Variants in DNAJC25 observed in about 807,000 individuals in gnomAD.
The protein encoded by DNAJC25 is DnaJ heat shock protein family (Hsp40) member C25.
In DNAJC25, 26 loss-of-function variants were observed where a neutral mutation model predicts 42.1. The ratio of observed to expected loss-of-function variants is 0.62; its 90% CI spans 0.45 to 0.86. The LOEUF (loss-of-function observed/expected upper bound fraction) is 0.86. Among genes scored for constraint, DNAJC25 ranks in the 40% least tolerant of loss-of-function variants. The pLI is 0.00. For missense variants in DNAJC25, 404 were observed against 459.4 expected (o/e 0.88, Z 1.10); for synonymous variants, 189 against 179.9 (o/e 1.05, Z -0.40).
intron 1 of DNAJC25, among the ~76,000 whole-genome samples, chr9:111,637,470 C>T (rs1564083020): frequency 6.6e-6 from 1 of 152,178 alleles, no homozygotes; most frequent in East Asian, 1.9e-4. Context: ...CTTCTTCTGT[C>T]ATTCTTCTTC....
At chr9:111,645,894 A>G (rs1026064274) in intron 1 of DNAJC25, among the ~76,000 whole-genome samples, 4 of 152,174 alleles carry the variant, frequency 2.6e-5, no homozygotes, top group African/African-American at 9.7e-5. Flanking sequence ...CATCCTGGGA[A>G]GCTGGGACTA....
chr9:111,641,165 C>A (rs1274828464), intron 1 of DNAJC25, among the ~76,000 whole-genome samples: 1 of 111,316 alleles, frequency 9.0e-6, no homozygotes, highest in Non-Finnish European at 1.8e-5. Context: ...CCGCCCCATC[C>A]GGGAGGGAGG....
chr9:111,636,125 G>C (rs1360256561), intron 1 of DNAJC25, among the ~76,000 whole-genome samples: 1 of 152,212 alleles, frequency 6.6e-6, no homozygotes, highest in African/African-American at 2.4e-5. Context: ...TTGCTGTGCT[G>C]AGAGGAAGTG....
At chr9:111,645,579 A>G (rs1830557450) in intron 1 of DNAJC25, among the ~76,000 whole-genome samples, 1 of 152,124 alleles carries the variant, frequency 6.6e-6, no homozygotes. Context: ...GAAAATACGT[A>G]ATGATTTTAA....
In DNAJC25 at chr9:111,647,398, T is replaced by C. The variant is rs1337750543; in HGVS notation, c.489+139T>C. ...TGAGATCTGTTTTAGTCATTGGCAA[T>C]GTTGGAATCTTTGTCAGTGGCAAAT... On this transcript the variant is annotated intron_variant, in intron 2 of 3. Transcript: ENST00000313525. 2.7e-6 allele frequency: 3 copies of C among 1,128,236 alleles called. No homozygotes were observed. The African/African-American group carries it at 4.7e-5, about 18-fold the overall frequency. 69.9% of individuals were successfully genotyped at this position (1,128,236 alleles called of 1,614,324 possible). A position where few individuals can be genotyped will look rare whatever the true frequency, so the allele number is the denominator to read the frequency against.
chr9:111,633,083 G>GA (rs1199502740), intron 1 of DNAJC25, among the ~76,000 whole-genome samples: 1 of 152,042 alleles, frequency 6.6e-6, no homozygotes, highest in African/African-American at 2.4e-5. Flanking sequence ...AAAAGTGATG[G>GA]AAAAAAGACT....
chr9:111,640,072 G>C (rs1412514671), intron 1 of DNAJC25, among the ~76,000 whole-genome samples: 1 of 151,748 alleles, frequency 6.6e-6, no homozygotes, highest in African/African-American at 2.4e-5. Context: ...GAATGCCTGC[G>C]ATTGCAGGCA....
rs760951719 is a variant in DNAJC25 at position 111,649,500 on chromosome 9, C to T, written c.537C>T (p.Ala179=). 1 of 1,607,976 alleles carries T rather than the reference C, an allele frequency of 6.2e-7. No individual in the cohort carries two copies. Among genetic ancestry groups the T allele is most frequent in the Non-Finnish European group, 8.5e-7 (1 of 1,178,566 alleles). The change falls in exon 3 of 4, where the codon GCC becomes GCT. Residue 179 remains alanine, a synonymous_variant. Transcript: ENST00000313525. ...ACAATAAGGCAATCAGCTACCTAGC[C>T]ACAGTGCCCAAGTACCGTATCCAAG... ...NSYNKAISYL[A]TVPKYRIQAT... is the part of the protein sequence containing the mutation.
chr9:111,643,103 T>A, intron 1 of DNAJC25: 1 of 322,604 alleles, frequency 3.1e-6, no homozygotes, highest in South Asian at 2.6e-5. Context: ...AGGTAAGATA[T>A]TAAACTGTTT....
rs1275867619 is a variant in DNAJC25, at chr9:111,649,497, A to G, written c.534A>G (p.Leu178=). ...WNSYNKAISY[L]ATVPKYRIQA... is the part of the protein sequence containing the mutation. Reference sequence around the variant, plus strand: ...GCTACAATAAGGCAATCAGCTACCTAGCCACAGTGCCCAAGTACCGTATCC... The same window carrying G: ...GCTACAATAAGGCAATCAGCTACCTGGCCACAGTGCCCAAGTACCGTATCC... The change falls in exon 3 of 4, where the codon CTA becomes CTG. Residue 178 remains leucine, a synonymous_variant. Coordinates refer to ENST00000313525, the MANE Select transcript of DNAJC25 (RefSeq NM_001015882.3). 1 of 1,607,868 alleles carries G rather than the reference A, an allele frequency of 6.2e-7. No individual in the cohort carries two copies.
At position 111,653,382 on chromosome 9, in the gene DNAJC25, A is replaced by C. The variant is rs1830694054; in HGVS notation, c.*160A>C. The stretch of plus-strand genomic sequence containing the variant: ...TGTCAAAATTTAAACCTTCCCTTAA[A>C]ACTTTATACATAAGACATTTATGAT... On this transcript the variant is annotated 3_prime_UTR_variant, in exon 4 of 4. Transcript: ENST00000313525. 2.7e-6 allele frequency: 2 copies of C among 729,852 alleles called. No individual in the cohort carries two copies. The highest frequency in any genetic ancestry group is 3.8e-6 in the Non-Finnish European group (2 of 524,872). The allele number at this position is 729,852 out of a possible 1,614,324, so 45.2% of individuals were successfully genotyped here.
chr9:111,649,386 T>C, intron 2 of DNAJC25, 67 bp from the exon 3 acceptor site: 1 of 1,464,982 alleles, frequency 6.8e-7, no homozygotes, highest in East Asian at 2.4e-5. Context: ...CGAGACTCTA[T>C]CATTCCTTTA....
chr9:111,631,868 C>G, intron 1 of DNAJC25, 125 bp downstream of exon 1: 1 of 1,386,748 alleles, frequency 7.2e-7, no homozygotes, highest in Non-Finnish European at 9.3e-7. Context: ...ACCACCGCGA[C>G]CTTTAAGATA....
chr9:111,639,983 C>T lies in DNAJC25; in HGVS notation c.337-7124C>T, dbSNP rs1002351162. Among the ~76,000 whole-genome samples, 879 of 150,400 alleles carry T rather than the reference C, an allele frequency of 5.8e-3. 9 individuals carry two copies. The highest frequency in any genetic ancestry group is 0.02 in the African/African-American group (810 of 40,314). ...GTCTCCCCATGGTCTCCCTCTCATG[C>T]GGAGCCGAAGCTGGACTGTACTGCT... is the stretch of plus-strand genomic sequence containing the variant. On this transcript the variant is annotated intron_variant, in intron 1 of 3. Coordinates refer to ENST00000313525, the MANE Select transcript of DNAJC25 (RefSeq NM_001015882.3).
intron 1 of DNAJC25, among the ~76,000 whole-genome samples, chr9:111,637,351 T>C (rs1314937256): frequency 6.6e-6 from 1 of 152,192 alleles, no homozygotes; most frequent in East Asian, 1.9e-4. Flanking sequence ...AGTGGAGAAA[T>C]GACACAATCT....
chr9:111,634,064 C>A lies in DNAJC25; in HGVS notation c.336+2321C>A, dbSNP rs76218048. Among the ~76,000 whole-genome samples, 797 of 152,246 alleles carry A rather than the reference C, an allele frequency of 5.2e-3. 5 individuals carry two copies. The highest frequency in any genetic ancestry group is 0.018 in the African/African-American group (743 of 41,546). Reference sequence around the variant, plus strand: ...TTCTGTAGCTCCCCCAGAACGCCCACTGTCTTACTGTGGAAATTATCTGTG... The same window carrying A: ...TTCTGTAGCTCCCCCAGAACGCCCAATGTCTTACTGTGGAAATTATCTGTG... On this transcript the variant is annotated intron_variant, in intron 1 of 3. Coordinates refer to ENST00000313525, the MANE Select transcript of DNAJC25 (RefSeq NM_001015882.3).
At chr9:111,637,782 T>TAAAG (rs1830386068) in intron 1 of DNAJC25, among the ~76,000 whole-genome samples, 1 of 152,228 alleles carries the variant, frequency 6.6e-6, no homozygotes, top group Admixed American at 6.5e-5. Flanking sequence ...TGTCATGTGA[T>TAAAG]ATTGCTGACC....
Position 111,631,415 on chromosome 9 carries a change from C to G in DNAJC25, c.8C>G (p.Ala3Gly). 7.8e-7 allele frequency: 1 copy of G among 1,280,144 alleles called. No homozygotes were observed. Among genetic ancestry groups the G allele is most frequent in the Non-Finnish European group, 9.8e-7 (1 of 1,017,606 alleles). The allele number at this position is 1,280,144 out of a possible 1,614,324, so 79.3% of individuals were successfully genotyped here. Residue 3 changes from alanine (A) to glycine (G), a missense_variant, in exon 1 of 4, where the codon GCG becomes GGG. Transcript: ENST00000313525. ...CCGCCAGCGAGGCTGGGGATGGGGG[C>G]GCCGCTGCTCTCTCCCGGCTGGGGA... is the stretch of plus-strand genomic sequence containing the variant. MG[A>G]PLLSPGWGAG...
chr9:111,639,409 G>C lies in DNAJC25; in HGVS notation c.336+7666G>C, dbSNP rs186763640. 7.6e-4 allele frequency among the ~76,000 whole-genome samples: 115 copies of C among 152,272 alleles called. 2 individuals carry two copies. The highest frequency in any genetic ancestry group is 2.4e-3 in the African/African-American group (99 of 41,562). ...TATGTTGCATTTAGAAAATGTTCAG[G>C]ACATAGTTGAGAATAGGAGGAGGCA... On this transcript the variant is annotated intron_variant, in intron 1 of 3. Transcript: ENST00000313525.
Sources: allele counts gnomAD v4.1 joint callset (sites outside exome capture counted in the v4.1 genomes callset), GRCh38; gene constraint gnomAD v4.1.1; transcripts MANE v1.5; gene names NCBI Gene and HGNC (gene_info 2026-07-23, HGNC 2026-07-21).